The following EML6 variants were observed in gnomAD, a reference collection of about 807,000 sequenced individuals.
EML6 encodes EMAP like 6, also known as echinoderm microtubule-associated protein-like 6.
A neutral mutation model predicts 240.1 loss-of-function variants in EML6; 154 were observed. That is an observed-to-expected ratio of 0.64 (90% CI 0.56 to 0.73). The LOEUF (loss-of-function observed/expected upper bound fraction) is 0.73. Among genes scored for constraint, EML6 ranks in the 30% least tolerant of loss-of-function variants. The pLI, the probability that EML6 is intolerant of heterozygous loss-of-function variation, is 0.00. For synonymous variants in EML6, 1,148 were observed against 899.0 expected, an observed-to-expected ratio of 1.28 and a Z score of -4.95; for missense variants, 2,964 against 2,474.6, an observed-to-expected ratio of 1.20 and a Z score of -4.20.
intron 28 of EML6, among the ~76,000 whole-genome samples, chr2:54,947,669 TC>T (rs1014266091): frequency 6.6e-6 from 1 of 152,140 alleles, no homozygotes; most frequent in Non-Finnish European, 1.5e-5. Flanking sequence ...AGCAAGTTTC[TC>T]CCCAGCACAC....
At chr2:54,830,137 T>C (rs138562676) in intron 7 of EML6, among the ~76,000 whole-genome samples, 67 of 152,342 alleles carry the variant, frequency 4.4e-4, no homozygotes, top group Middle Eastern at 3.4e-3. Context: ...ATATAGAGTG[T>C]ATATATCAGA....
intron 3 of EML6, among the ~76,000 whole-genome samples, chr2:54,815,869 A>C (rs1299972478): frequency 6.6e-6 from 1 of 152,202 alleles, no homozygotes; most frequent in Non-Finnish European, 1.5e-5. Context: ...CTCAGTACTC[A>C]CACACTCTTA....
At chr2:54,854,366 A>G (rs973882351) in intron 11 of EML6, among the ~76,000 whole-genome samples, 6 of 152,186 alleles carry the variant, frequency 3.9e-5, no homozygotes, top group African/African-American at 1.4e-4. Flanking sequence ...GTTTGATTCA[A>G]AGCAACCCTC....
intron 32 of EML6, among the ~76,000 whole-genome samples, chr2:54,957,506 C>T (rs1248442017): frequency 6.6e-6 from 1 of 152,116 alleles, no homozygotes; most frequent in Non-Finnish European, 1.5e-5. Flanking sequence ...ACTTTGCTGC[C>T]TTCTCATATC....
At chr2:54,822,214 T>C (rs1668365869) in intron 5 of EML6, among the ~76,000 whole-genome samples, 2 of 152,170 alleles carry the variant, frequency 1.3e-5, no homozygotes, top group Non-Finnish European at 1.5e-5. Flanking sequence ...TTTAAATCTA[T>C]CAAATTTATG....
chr2:54,789,848 C>A (rs1009179200), intron 2 of EML6, among the ~76,000 whole-genome samples: 3 of 152,208 alleles, frequency 2.0e-5, no homozygotes, highest in African/African-American at 7.2e-5. Context: ...CCAGGGCTTG[C>A]TTCTACCTAA....
intron 17 of EML6, chr2:54,880,111 C>T (rs953808513): frequency 7.1e-5 from 11 of 153,848 alleles, no homozygotes; most frequent in African/African-American, 9.6e-5. Context: ...AAATTGTTTC[C>T]CTAATCTTCC....
intron 2 of EML6, among the ~76,000 whole-genome samples, chr2:54,728,784 C>T (rs1422129097): frequency 1.3e-5 from 2 of 152,224 alleles, no homozygotes; most frequent in Non-Finnish European, 2.9e-5. Context: ...TCATTGCTCA[C>T]AGGCAGAAGT....
At chr2:54,891,287 C>T in intron 18 of EML6, 133 bp downstream of exon 18, 1 of 510,386 alleles carries the variant, frequency 2.0e-6, no homozygotes, top group Middle Eastern at 2.9e-4. Context: ...AAAAAATTAT[C>T]TCCCAAGTTC....
At chr2:54,926,909 T>G (rs1262473015) in intron 26 of EML6, among the ~76,000 whole-genome samples, 3 of 152,200 alleles carry the variant, frequency 2.0e-5, no homozygotes, top group Admixed American at 1.3e-4. Flanking sequence ...TCTTATAAGT[T>G]GAGGGTGTAG....
At chr2:54,813,449 A>G (rs142901353) in intron 3 of EML6, 58 bp downstream of exon 3, 807 of 1,344,258 alleles carry the variant, frequency 6.0e-4, no homozygotes, top group Middle Eastern at 1.3e-3. Context: ...ACTTAAAACT[A>G]TAATAGGAAT....
chr2:54,820,266 A>G (rs1668271548), intron 4 of EML6, 128 bp from the exon 5 acceptor site: 5 of 609,626 alleles, frequency 8.2e-6, no homozygotes, highest in Non-Finnish European at 5.8e-6. Context: ...CAAATCTTCC[A>G]TTTTTATTCT....
Position 54,962,947 on chromosome 2 carries a change from A to T in EML6, c.5157+236A>T, listed in dbSNP as rs576048514. Reference sequence around the variant, plus strand: ...AGAACCCACAAAACTAAAAATATAGAGACAAATCATGTTTTCCCTGGATGA... The same window carrying T: ...AGAACCCACAAAACTAAAAATATAGTGACAAATCATGTTTTCCCTGGATGA... On this transcript the variant is annotated intron_variant, in intron 36 of 41. Transcript: ENST00000356458. 1.2e-4 allele frequency among the ~76,000 whole-genome samples: 19 copies of T among 152,348 alleles called. No homozygotes were observed. In the South Asian group the frequency reaches 3.9e-3, roughly 32 times the overall value.
At chr2:54,932,458 T>G (rs999530444) in intron 28 of EML6, among the ~76,000 whole-genome samples, 2 of 152,168 alleles carry the variant, frequency 1.3e-5, no homozygotes, top group Non-Finnish European at 2.9e-5. Flanking sequence ...CTAATTCTGG[T>G]CTAGAGGAAC....
At chr2:54,935,582 TCA>T (rs1215534269) in intron 28 of EML6, among the ~76,000 whole-genome samples, 1 of 152,208 alleles carries the variant, frequency 6.6e-6, no homozygotes, top group Non-Finnish European at 1.5e-5. Context: ...TTTTGATGAG[TCA>T]CAGTTTTTAT....
chr2:54,968,703 C>T lies in EML6; in HGVS notation c.5787C>T (p.His1929=), dbSNP rs1199856986. 3.2e-5 allele frequency: 50 copies of T among 1,551,066 alleles called. 1 individual carries two copies. Among genetic ancestry groups the T allele is most frequent in the Middle Eastern group, 1.7e-4 (1 of 6,012 alleles). Residue 1929 remains histidine, a synonymous_variant, in exon 41 of 42, where the codon CAC becomes CAT. Coordinates refer to ENST00000356458, the MANE Select transcript of EML6 (RefSeq NM_001039753.4). ...AGCGATACTTCGGTCACTCGGCTCA[C>T]GTGACGAACATCCGTTTCTCTTATG... ...KHKRYFGHSA[H]VTNIRFSYDD...
chr2:54,927,966 C>T (rs1195624868), intron 26 of EML6, among the ~76,000 whole-genome samples: 1 of 152,224 alleles, frequency 6.6e-6, no homozygotes, highest in Admixed American at 6.5e-5. Context: ...GTCAGCCAGA[C>T]TCACAGTCAG....
At chr2:54,966,889 A>C (rs1373720512) in intron 38 of EML6, 111 bp from the exon 39 acceptor site, 1 of 660,766 alleles carries the variant, frequency 1.5e-6, no homozygotes, top group Non-Finnish European at 2.6e-6. Flanking sequence ...GGGTTTGGAG[A>C]AAAGCCCTAG....
chr2:54,879,636 A>G lies in EML6; in HGVS notation c.2434A>G (p.Thr812Ala). 3.9e-6 allele frequency: 6 copies of G among 1,544,422 alleles called. No homozygotes were observed. The highest frequency in any genetic ancestry group is 5.3e-6 in the Non-Finnish European group (6 of 1,139,896). ...GAAAAAGGGAGAAAAGATAGCCACA[A>G]CAAGGTAAGAAGCTGCCGGGATCTT... is the stretch of plus-strand genomic sequence containing the variant. ...DWKKGEKIAT[T>A]RGHKDKIFVV... The change falls in exon 17 of 42, where the codon ACA becomes GCA. Residue 812 changes from threonine to alanine, a missense_variant. Transcript: ENST00000356458.
Sources: gnomAD v4.1 joint callset for allele counts (sites outside exome capture counted in the v4.1 genomes callset) on GRCh38, gnomAD v4.1.1 for gene constraint, MANE v1.5 for transcripts, NCBI Gene and HGNC (gene_info 2026-07-23, HGNC 2026-07-21) for gene names.